The following TMC1 variants were observed in gnomAD, a reference collection of about 807,000 sequenced individuals.
The protein encoded by TMC1 is transmembrane channel-like protein 1.
In TMC1, 84 loss-of-function variants were observed where a neutral mutation model predicts 105.8. The ratio of observed to expected loss-of-function variants is 0.79; its 90% CI spans 0.67 to 0.95. TMC1 has a LOEUF of 0.95. TMC1 is among the 40% of genes least tolerant of loss of function. The probability of loss-of-function intolerance (pLI) is 0.00; values close to 1 mark genes in which losing one functional copy is unlikely to be tolerated. For missense variants in TMC1, 817 were observed against 914.1 expected, an observed-to-expected ratio of 0.89 and a Z score of 1.37; for synonymous variants, 315 against 311.5, an observed-to-expected ratio of 1.01 and a Z score of -0.12.
At chr9:72,736,638 TAAG>T (rs1006264872) in intron 8 of TMC1, among the ~76,000 whole-genome samples, 5 of 152,346 alleles carry the variant, frequency 3.3e-5, no homozygotes, top group Admixed American at 2.6e-4. Context: ...ATTTTACTAC[TAAG>T]AAGAATTTCC....
At chr9:72,771,426 C>T (rs1588075689) in intron 12 of TMC1, among the ~76,000 whole-genome samples, 3 of 152,158 alleles carry the variant, frequency 2.0e-5, no homozygotes, top group East Asian at 3.9e-4. Flanking sequence ...CCTCCACTCT[C>T]CCCCACTTCA....
intron 8 of TMC1, among the ~76,000 whole-genome samples, chr9:72,724,748 C>T (rs1214011193): frequency 2.6e-5 from 4 of 152,046 alleles, no homozygotes; most frequent in Non-Finnish European, 5.9e-5. Flanking sequence ...TCTGAGCTTG[C>T]CAGGGCATCC....
chr9:72,529,526 A>G lies in TMC1; in HGVS notation c.-428+7613A>G, dbSNP rs553137379. ...ATGTGTCTATATAGTGTGTATATAC[A>G]TATGTGTTTAGGAAATGTGTATATA... On this transcript the variant is annotated intron_variant, in intron 1 of 23. Transcript: ENST00000297784. Among the ~76,000 whole-genome samples the G allele has an allele frequency of 3.3e-5, 5 of 152,260 alleles. No homozygotes were observed. In the East Asian group the frequency reaches 5.8e-4, roughly 18 times the overall value.
At chr9:72,687,598 AT>A (rs1319366505) in intron 5 of TMC1, among the ~76,000 whole-genome samples, 1 of 152,148 alleles carries the variant, frequency 6.6e-6, no homozygotes, top group Admixed American at 6.6e-5. Flanking sequence ...ATATCCTAAA[AT>A]TTTTTACCCA....
At chr9:72,795,094 C>T (rs560093260) in intron 17 of TMC1, among the ~76,000 whole-genome samples, 4 of 152,168 alleles carry the variant, frequency 2.6e-5, no homozygotes, top group African/African-American at 7.2e-5. Context: ...AAGAATAAAA[C>T]GGGAAGAACA....
intron 1 of TMC1, among the ~76,000 whole-genome samples, chr9:72,576,886 C>A (rs1329571864): frequency 6.6e-6 from 1 of 151,762 alleles, no homozygotes; most frequent in African/African-American, 2.4e-5. Flanking sequence ...GCCTTGGCTT[C>A]CCAAAGTGCT....
At chr9:72,801,264 C>T (rs1382158927) in intron 17 of TMC1, among the ~76,000 whole-genome samples, 1 of 152,182 alleles carries the variant, frequency 6.6e-6, no homozygotes, top group Non-Finnish European at 1.5e-5. Context: ...CTGAGGTCTT[C>T]ACTTTGGGGA....
intron 6 of TMC1, among the ~76,000 whole-genome samples, chr9:72,692,983 G>C (rs866290319): frequency 9.5e-4 from 144 of 152,222 alleles, no homozygotes; most frequent in African/African-American, 3.2e-3. Context: ...AGCTGGGTAT[G>C]ATGGCGCACA....
At chr9:72,581,943 C>T (rs1271743274) in intron 2 of TMC1, among the ~76,000 whole-genome samples, 1 of 152,114 alleles carries the variant, frequency 6.6e-6, no homozygotes, top group African/African-American at 2.4e-5. Flanking sequence ...AATAACTTTA[C>T]AGGAAATGAT....
At chr9:72,765,321 CA>C (rs1329812766) in intron 12 of TMC1, among the ~76,000 whole-genome samples, 2 of 151,984 alleles carry the variant, frequency 1.3e-5, no homozygotes, top group African/African-American at 4.8e-5. Context: ...AGGCATATTG[CA>C]TCAAGTGAAG....
At chr9:72,680,509 T>C (rs1320114217) in intron 5 of TMC1, among the ~76,000 whole-genome samples, 1 of 152,180 alleles carries the variant, frequency 6.6e-6, no homozygotes, top group African/African-American at 2.4e-5. Flanking sequence ...AGTTAATGAC[T>C]TGCTTTTTCT....
intron 8 of TMC1, among the ~76,000 whole-genome samples, chr9:72,707,544 C>T (rs1352928196): frequency 2.6e-5 from 4 of 152,088 alleles, no homozygotes; most frequent in African/African-American, 7.2e-5. Flanking sequence ...GTTTTTTGGT[C>T]GTTTGTATAT....
chr9:72,558,634 ATC>A (rs1253296994), intron 1 of TMC1, among the ~76,000 whole-genome samples: 3 of 152,142 alleles, frequency 2.0e-5, no homozygotes, highest in Non-Finnish European at 2.9e-5. Flanking sequence ...ACCTTCACTG[ATC>A]TCTGTTTCTA....
rs182231394 is a variant in TMC1 at position 72,546,176 on chromosome 9, C to T, written c.-428+24263C>T. 2.4e-4 allele frequency among the ~76,000 whole-genome samples: 37 copies of T among 151,884 alleles called. No individual in the cohort carries two copies. The East Asian group carries it at 4.4e-3, about 18-fold the overall frequency. On this transcript the variant is annotated intron_variant, in intron 1 of 23. Transcript: ENST00000297784. ...GGCGTGGTGGTGCATGTCTGTAATC[C>T]CAGCTACTTGAGAGGCTGAGACAGG... is the stretch of plus-strand genomic sequence containing the variant.
intron 8 of TMC1, among the ~76,000 whole-genome samples, chr9:72,737,606 T>C (rs1214936646): frequency 1.3e-5 from 2 of 152,108 alleles, no homozygotes; most frequent in African/African-American, 4.8e-5. Context: ...TAGAGACAGA[T>C]CCCAGAGACT....
At chr9:72,532,647 C>T (rs1007003357) in intron 1 of TMC1, among the ~76,000 whole-genome samples, 21 of 149,186 alleles carry the variant, frequency 1.4e-4, no homozygotes, top group South Asian at 4.4e-4. Flanking sequence ...GTGGAAGAAC[C>T]GGTGAGGTAG....
chr9:72,596,539 T>TAAAAAAAAAAAAAAAAA (rs35140344), intron 2 of TMC1, among the ~76,000 whole-genome samples: 1 of 102,274 alleles, frequency 9.8e-6, no homozygotes, highest in African/African-American at 3.6e-5. Context: ...GTTTCAATTG[T>TAAAAAAAAAAAAAAAAA]AAAAAAAAAA....
chr9:72,814,485 A>G (rs1441393343), intron 18 of TMC1, among the ~76,000 whole-genome samples: 3 of 152,210 alleles, frequency 2.0e-5, no homozygotes, highest in Admixed American at 6.5e-5. Context: ...AAAGTCGGCA[A>G]ACTAACGAAA....
At chr9:72,526,819 A>T (rs1823414197) in intron 1 of TMC1, among the ~76,000 whole-genome samples, 1 of 152,160 alleles carries the variant, frequency 6.6e-6, no homozygotes, top group African/African-American at 2.4e-5. Context: ...TGGAGACCAC[A>T]TATGGTCAGC....
Sources: gnomAD v4.1 joint callset for allele counts (sites outside exome capture counted in the v4.1 genomes callset) on GRCh38, gnomAD v4.1.1 for gene constraint, MANE v1.5 for transcripts, NCBI Gene and HGNC (gene_info 2026-07-23, HGNC 2026-07-21) for gene names.